The following NCOA7 variants were observed in gnomAD, a reference collection of about 807,000 sequenced individuals.
NCOA7 encodes 140 kDa estrogen receptor-associated protein.
NCOA7 carries 45 observed loss-of-function variants against 104.3 expected under a neutral mutation model. The ratio of observed to expected loss-of-function variants is 0.43; its 90% CI spans 0.34 to 0.55. The LOEUF (loss-of-function observed/expected upper bound fraction) is 0.55, where lower values mean the gene tolerates loss of function less well. NCOA7 is among the 20% of genes least tolerant of loss of function. The probability of loss-of-function intolerance (pLI) is 0.02; values close to 1 mark genes in which losing one functional copy is unlikely to be tolerated. For missense variants in NCOA7, 1,041 were observed against 1,119.7 expected, an observed-to-expected ratio of 0.93 and a Z score of 1.00; for synonymous variants, 398 against 402.3, an observed-to-expected ratio of 0.99 and a Z score of 0.13.
chr6:125,925,610 A>C (rs768926757), intron 13 of NCOA7, among the ~76,000 whole-genome samples: 2 of 152,256 alleles, frequency 1.3e-5, no homozygotes, highest in African/African-American at 4.8e-5. Context: ...TTGTGGTACT[A>C]ATGTTATAAA....
intron 10 of NCOA7, among the ~76,000 whole-genome samples, chr6:125,905,946 G>A (rs1479944828): frequency 1.3e-5 from 2 of 152,008 alleles, no homozygotes; most frequent in African/African-American, 4.8e-5. Flanking sequence ...GATTTTACAG[G>A]TGTGCACCAC....
At position 125,889,825 on chromosome 6, in the gene NCOA7, G is replaced by T. The variant is rs1483088840; in HGVS notation, c.1771G>T (p.Val591Leu). The part of the protein sequence containing the change: ...TWVKKGEPLP[V>L]KLNSSTEANV... ...GGTGAAAAAGGGAGAGCCCCTCCCG[G>T]TAAAACTGAACTCTTCTACAGAAGC... The change falls in exon 9 of 16, where the codon GTA becomes TTA. Residue 591 changes from valine to leucine, a missense_variant. By Grantham distance (32) the Val-to-Leu change is conservative. Coordinates refer to ENST00000392477, the MANE Select transcript of NCOA7 (RefSeq NM_181782.5). 6.2e-7 allele frequency: 1 copy of T among 1,613,682 alleles called. No homozygotes were observed. Among genetic ancestry groups the T allele is most frequent in the South Asian group, 1.1e-5 (1 of 90,990 alleles).
rs576264828 is a variant in NCOA7, at chr6:125,930,759, G to A, written c.*1988G>A. ...CGTTTCACTCAAGTTCTCCTACTGA[G>A]GACTCTTGACTAACAGCATACTGGC... On this transcript the variant is annotated 3_prime_UTR_variant, in exon 16 of 16. Coordinates refer to ENST00000392477, the MANE Select transcript of NCOA7 (RefSeq NM_181782.5). 37 of 152,302 alleles carry A rather than the reference G, an allele frequency of 2.4e-4. No homozygotes were observed. The highest frequency in any genetic ancestry group is 8.9e-4 in the African/African-American group (37 of 41,550). 9.4% of individuals were successfully genotyped at this position (152,302 alleles called of 1,614,324 possible). A position where few individuals can be genotyped will look rare whatever the true frequency, so the allele number is the denominator to read the frequency against.
intron 10 of NCOA7, among the ~76,000 whole-genome samples, chr6:125,898,731 A>G (rs996318918): frequency 1.3e-5 from 2 of 152,186 alleles, no homozygotes; most frequent in Admixed American, 1.3e-4. Context: ...AAGTGCTAGG[A>G]TTACAGGTAT....
intron 11 of NCOA7, among the ~76,000 whole-genome samples, chr6:125,918,464 C>G (rs1787270478): frequency 6.6e-6 from 1 of 152,102 alleles, no homozygotes; most frequent in Non-Finnish European, 1.5e-5. Context: ...TTTATAACCC[C>G]CAGTGTGAGC....
At chr6:125,916,492 C>T (rs1374202833) in intron 11 of NCOA7, among the ~76,000 whole-genome samples, 1 of 152,174 alleles carries the variant, frequency 6.6e-6, no homozygotes, top group Admixed American at 6.6e-5. Flanking sequence ...ATAACATAGG[C>T]TCTCAATACT....
At chr6:125,919,385 T>A (rs1787368474) in intron 11 of NCOA7, 1 of 1,612,800 alleles carries the variant, frequency 6.2e-7, no homozygotes, top group Middle Eastern at 1.7e-4. Flanking sequence ...CCCTTGGACA[T>A]CCAGATTTTC....
rs367955356 is a variant in NCOA7, at chr6:125,855,424, T to C, written c.271+184T>C. On this transcript the variant is annotated intron_variant, in intron 3 of 15. Coordinates refer to ENST00000392477, the MANE Select transcript of NCOA7 (RefSeq NM_181782.5). ...GGGATCACACTAAAATAATGTCTCATTTAAATTTGTGTTCCCAGCATTTAG... is the reference window on the plus strand; with the variant it reads ...GGGATCACACTAAAATAATGTCTCACTTAAATTTGTGTTCCCAGCATTTAG... 5.2e-5 allele frequency: 28 copies of C among 533,548 alleles called. 1 individual carries two copies. The highest frequency in any genetic ancestry group is 4.4e-4 in the East Asian group (14 of 31,594). The allele number at this position is 533,548 out of a possible 1,614,324, so 33.1% of individuals were successfully genotyped here. A position where few individuals can be genotyped will look rare whatever the true frequency, so the allele number is the denominator to read the frequency against.
rs1471926896 is a variant in NCOA7, at chr6:125,889,007, A to G, written c.953A>G (p.Asp318Gly). ...GEWEDLASEK[D>G]INPFSKFKSI... is the part of the protein sequence containing the mutation. ...TGGGAAGACCTGGCTTCAGAAAAGG[A>G]TATCAACCCATTCAGTAAGTTCAAA... The change falls in exon 9 of 16, where the codon GAT becomes GGT. Residue 318 changes from aspartate (D) to glycine (G), a missense_variant. Around this residue, in one of 2 missense-constraint regions of NCOA7, gnomAD observed 914 missense variants for 942.7 expected, o/e 0.97. Coordinates refer to ENST00000392477, the MANE Select transcript of NCOA7 (RefSeq NM_181782.5). The G allele has an allele frequency of 6.2e-6, 10 of 1,614,116 alleles. No individual in the cohort carries two copies. Among genetic ancestry groups the G allele is most frequent in the South Asian group, 1.1e-5 (1 of 91,078 alleles).
At chr6:125,919,368 A>G (rs756989010) in intron 11 of NCOA7, 1 of 1,612,830 alleles carries the variant, frequency 6.2e-7, no homozygotes, top group South Asian at 1.1e-5. Context: ...TGAGAGGCCA[A>G]AGATTACCCT....
intron 10 of NCOA7, among the ~76,000 whole-genome samples, chr6:125,895,190 A>G (rs1784906223): frequency 1.3e-5 from 2 of 152,128 alleles, no homozygotes; most frequent in African/African-American, 2.4e-5. Flanking sequence ...TAATAATTCT[A>G]TATTATCCAG....
At chr6:125,782,275 A>G (rs868557816) in intron 1 of NCOA7, among the ~76,000 whole-genome samples, 20 of 152,298 alleles carry the variant, frequency 1.3e-4, no homozygotes, top group African/African-American at 3.9e-4. Flanking sequence ...AGATTCATCA[A>G]TTATTAATAT....
intron 10 of NCOA7, among the ~76,000 whole-genome samples, chr6:125,914,996 A>G (rs769157450): frequency 7.9e-5 from 12 of 152,128 alleles, no homozygotes; most frequent in Non-Finnish European, 1.3e-4. Context: ...TTTTTCCTCA[A>G]TGAATACAAG....
chr6:125,788,071 A>G (rs1363809733), upstream of NCOA7, among the ~76,000 whole-genome samples: 1 of 152,174 alleles, frequency 6.6e-6, no homozygotes, highest in Non-Finnish European at 1.5e-5. Flanking sequence ...CTTTCTACTG[A>G]GGTTTGATCT....
At position 125,919,201 on chromosome 6, in the gene NCOA7, TCTC is replaced by T. The variant is rs528227546; in HGVS notation, c.2245-1739_2245-1737del. On this transcript the variant is annotated intron_variant, in intron 11 of 15. Coordinates refer to ENST00000392477, the MANE Select transcript of NCOA7 (RefSeq NM_181782.5). Reference sequence around the variant, plus strand: ...GTGTTCCTGTAGAAATGTTGAAACTTCTCCTGAGGGAAACAGAAACTCAATCAT... The same window carrying T: ...GTGTTCCTGTAGAAATGTTGAAACTTCTGAGGGAAACAGAAACTCAATCAT... 64 of 1,550,848 alleles carry T rather than the reference TCTC, an allele frequency of 4.1e-5. No individual in the cohort carries two copies. In the African/African-American group the frequency reaches 5.7e-4, roughly 14 times the overall value.
intron 3 of NCOA7, among the ~76,000 whole-genome samples, chr6:125,856,658 C>G (rs1454545207): frequency 1.3e-5 from 2 of 151,994 alleles, no homozygotes. Context: ...GGCCATGTCT[C>G]CATGTTTAAT....
Position 125,918,411 on chromosome 6 carries a change from C to T in NCOA7, c.2245-2532C>T, listed in dbSNP as rs975371055. ...CAGGCTGTTGCATTGAGAGTCAGTTCTGCTGGCCGTGGACTGGTCTCTAAG... is the reference window on the plus strand; with the variant it reads ...CAGGCTGTTGCATTGAGAGTCAGTTTTGCTGGCCGTGGACTGGTCTCTAAG... On this transcript the variant is annotated intron_variant, in intron 11 of 15. Coordinates refer to ENST00000392477, the MANE Select transcript of NCOA7 (RefSeq NM_181782.5). Among the ~76,000 whole-genome samples, 6 of 152,186 alleles carry T rather than the reference C, an allele frequency of 3.9e-5. No homozygotes were observed. The East Asian group carries it at 1.2e-3, about 29-fold the overall frequency.
At chr6:125,874,343 T>C (rs1451326183) in intron 3 of NCOA7, among the ~76,000 whole-genome samples, 1 of 152,122 alleles carries the variant, frequency 6.6e-6, no homozygotes, top group Non-Finnish European at 1.5e-5. Flanking sequence ...GCCCGAAAAA[T>C]AGTAAAATCC....
intron 4 of NCOA7, among the ~76,000 whole-genome samples, chr6:125,876,442 C>G (rs933152200): frequency 6.6e-6 from 1 of 152,052 alleles, no homozygotes; most frequent in Non-Finnish European, 1.5e-5. Flanking sequence ...AAGTATTGGA[C>G]TCAATTATTT....
Sources: allele counts gnomAD v4.1 joint callset (sites outside exome capture counted in the v4.1 genomes callset), GRCh38; gene constraint gnomAD v4.1.1; regional missense constraint gnomAD v4.1.1; transcripts MANE v1.5; gene names NCBI Gene and HGNC (gene_info 2026-07-23, HGNC 2026-07-21).